ATP8A2: variants seen among roughly 807,000 people sequenced by gnomAD.
The protein encoded by ATP8A2 is phospholipid-transporting ATPase IB.
Under a neutral mutation model 165.6 loss-of-function variants are expected in ATP8A2, and 100 were observed. That is an observed-to-expected ratio of 0.60 (90% CI 0.51 to 0.71). The LOEUF is 0.71. ATP8A2 is among the 30% of genes least tolerant of loss of function. The pLI is 0.00. For synonymous variants in ATP8A2, 543 were observed against 548.8 expected, an observed-to-expected ratio of 0.99 and a Z score of 0.15; for missense variants, 1,227 against 1,479.5, an observed-to-expected ratio of 0.83 and a Z score of 2.80.
chr13:25,504,625 A>G (rs2137722483), intron 2 of ATP8A2, among the ~76,000 whole-genome samples: 1 of 149,272 alleles, frequency 6.7e-6, no homozygotes, highest in East Asian at 2.0e-4. Context: ...CTGTAGTCCC[A>G]GCTACTCGGG....
intron 1 of ATP8A2, among the ~76,000 whole-genome samples, chr13:25,446,193 T>A (rs1041389040): frequency 2.0e-5 from 3 of 152,128 alleles, no homozygotes; most frequent in African/African-American, 7.2e-5. Context: ...AGGCCTGCCG[T>A]CATTGTCTCC....
intron 33 of ATP8A2, among the ~76,000 whole-genome samples, chr13:25,904,359 A>C (rs1344374472): frequency 6.6e-6 from 1 of 152,172 alleles, no homozygotes; most frequent in African/African-American, 2.4e-5. Flanking sequence ...GATTTCCTAA[A>C]CCGTGGACAT....
intron 26 of ATP8A2, among the ~76,000 whole-genome samples, chr13:25,772,385 G>C (rs2044641083): frequency 6.6e-6 from 1 of 152,106 alleles, no homozygotes; most frequent in Non-Finnish European, 1.5e-5. Context: ...TAACATCAGG[G>C]GGTCCCGGTC....
At chr13:25,844,628 T>C (rs928018128) in intron 30 of ATP8A2, among the ~76,000 whole-genome samples, 1 of 152,210 alleles carries the variant, frequency 6.6e-6, no homozygotes, top group East Asian at 1.9e-4. Context: ...TAGGGCACTG[T>C]CAAAGCTGGG....
intron 1 of ATP8A2, among the ~76,000 whole-genome samples, chr13:25,398,552 G>A (rs929010171): frequency 6.6e-6 from 1 of 152,164 alleles, no homozygotes. Context: ...TGGGCCATCT[G>A]GTGCATGGGG....
chr13:25,843,530 T>C (rs1951793270), intron 30 of ATP8A2, among the ~76,000 whole-genome samples: 1 of 152,110 alleles, frequency 6.6e-6, no homozygotes, highest in Admixed American at 6.5e-5. Context: ...GAGAGCTCAT[T>C]TGCCCCTTCC....
chr13:25,908,140 C>G (rs1227328444), intron 33 of ATP8A2, among the ~76,000 whole-genome samples: 1 of 152,188 alleles, frequency 6.6e-6, no homozygotes, highest in Non-Finnish European at 1.5e-5. Context: ...CCTTAGAAAT[C>G]TCATTTAAAG....
At position 25,662,339 on chromosome 13, in the gene ATP8A2, C is replaced by G. The variant is rs371265632; in HGVS notation, c.2212-36834C>G. Among the ~76,000 whole-genome samples the G allele has an allele frequency of 3.3e-5, 5 of 152,226 alleles. No homozygotes were observed. In the South Asian group the frequency reaches 8.3e-4, roughly 25 times the overall value. On this transcript the variant is annotated intron_variant, in intron 24 of 36. Transcript: ENST00000381655. ...TCTTGGCGATGTTTTATCGTTGCCC[C>G]TGATAATTTCCCCATTTTTAAGAAA...
chr13:25,670,909 T>C (rs1016148996), intron 24 of ATP8A2, among the ~76,000 whole-genome samples: 1 of 152,238 alleles, frequency 6.6e-6, no homozygotes, highest in African/African-American at 2.4e-5. Flanking sequence ...ATTTCATGAC[T>C]GAAAAGTTTG....
chr13:25,690,059 A>G (rs150633432), intron 24 of ATP8A2, among the ~76,000 whole-genome samples: 1 of 152,314 alleles, frequency 6.6e-6, no homozygotes, highest in Non-Finnish European at 1.5e-5. Context: ...TTTGGGGGAA[A>G]AATAAATTAA....
intron 25 of ATP8A2, among the ~76,000 whole-genome samples, chr13:25,719,003 G>C (rs2043314999): frequency 6.6e-6 from 1 of 152,152 alleles, no homozygotes; most frequent in South Asian, 2.1e-4. Context: ...GGTTTCAGAA[G>C]ACTTGCCTTG....
intron 33 of ATP8A2, among the ~76,000 whole-genome samples, chr13:25,913,666 C>T (rs532356185): frequency 2.2e-4 from 33 of 152,044 alleles, no homozygotes; most frequent in African/African-American, 7.5e-4. Context: ...CTTGATCTGG[C>T]GAATAAGTTC....
At chr13:25,837,050 G>T in intron 28 of ATP8A2, 113 bp from the exon 29 acceptor site, 1 of 1,304,330 alleles carries the variant, frequency 7.7e-7, no homozygotes, top group Non-Finnish European at 1.1e-6. Context: ...TGTGAATCAT[G>T]GAGTCTCAGG....
chr13:25,501,927 GT>G (rs1476235457), intron 2 of ATP8A2, among the ~76,000 whole-genome samples: 1 of 152,210 alleles, frequency 6.6e-6, no homozygotes, highest in Non-Finnish European at 1.5e-5. Context: ...TGAAGCAGAG[GT>G]TTGCACTGGA....
chr13:25,789,876 A>C (rs193196220), intron 27 of ATP8A2, among the ~76,000 whole-genome samples: 1 of 152,346 alleles, frequency 6.6e-6, no homozygotes, highest in Non-Finnish European at 1.5e-5. Context: ...TGGTACAAAA[A>C]CAGGCACAAA....
At chr13:25,498,069 T>A (rs1251729627) in intron 2 of ATP8A2, among the ~76,000 whole-genome samples, 1 of 152,218 alleles carries the variant, frequency 6.6e-6, no homozygotes, top group Non-Finnish European at 1.5e-5. Flanking sequence ...CCCATACATG[T>A]GGACACACGT....
intron 35 of ATP8A2, among the ~76,000 whole-genome samples, chr13:25,968,883 TG>T (rs1481567234): frequency 6.6e-6 from 1 of 152,064 alleles, no homozygotes; most frequent in Non-Finnish European, 1.5e-5. Context: ...CAGGTAAGAC[TG>T]GGGGTTTTAT....
rs1957100273 is a variant in ATP8A2, at chr13:26,022,748, C to T, written c.*2763C>T. On this transcript the variant is annotated 3_prime_UTR_variant, in exon 37 of 37. Transcript: ENST00000381655. The stretch of plus-strand genomic sequence containing the variant: ...AACCCCTCCCCTGGGGCAGGGTGGA[C>T]TGGACTAGGTTGCATACGCTGGCTG... The T allele has an allele frequency of 6.6e-6, 1 of 152,206 alleles. No individual in the cohort carries two copies. The highest frequency in any genetic ancestry group is 1.5e-5 in the Non-Finnish European group (1 of 68,040). 9.4% of individuals were successfully genotyped at this position (152,206 alleles called of 1,614,324 possible).
chr13:25,783,114 C>A (rs113969622), intron 27 of ATP8A2, among the ~76,000 whole-genome samples: 1 of 150,318 alleles, frequency 6.7e-6, no homozygotes, highest in Non-Finnish European at 1.5e-5. Flanking sequence ...ATTTTTTTTT[C>A]CTGTGGTTGT....
Sources: gnomAD v4.1 joint callset for allele counts (sites outside exome capture counted in the v4.1 genomes callset) on GRCh38, gnomAD v4.1.1 for gene constraint, MANE v1.5 for transcripts, NCBI Gene and HGNC (gene_info 2026-07-23, HGNC 2026-07-21) for gene names.